The following ROCK1 variants were observed in gnomAD, a reference collection of about 807,000 sequenced individuals.
The protein encoded by ROCK1 is Rho associated coiled-coil containing protein kinase 1, also known as rho-associated protein kinase 1.
ROCK1 carries 36 observed loss-of-function variants against 196.8 expected under a neutral mutation model. That is an observed-to-expected ratio of 0.18 (90% CI 0.14 to 0.24). ROCK1 has a LOEUF of 0.24. Among genes scored for constraint, ROCK1 ranks in the 10% least tolerant of loss-of-function variants. The probability of loss-of-function intolerance (pLI) is 1.00; values close to 1 mark genes in which losing one functional copy is unlikely to be tolerated. For synonymous variants in ROCK1, 443 were observed against 515.9 expected, an observed-to-expected ratio of 0.86 and a Z score of 1.91; for missense variants, 920 against 1,562.0, an observed-to-expected ratio of 0.59 and a Z score of 6.93.
chr18:21,073,388 T>A (rs965618179), intron 1 of ROCK1, among the ~76,000 whole-genome samples: 1 of 151,808 alleles, frequency 6.6e-6, no homozygotes, highest in African/African-American at 2.4e-5. Flanking sequence ...GAGGTAGAGG[T>A]CCATTGTGTT....
intron 2 of ROCK1, among the ~76,000 whole-genome samples, chr18:21,063,823 A>G (rs2036311843): frequency 6.6e-6 from 1 of 152,204 alleles, no homozygotes; most frequent in Non-Finnish European, 1.5e-5. Flanking sequence ...CTGTATGAAG[A>G]CTGCCACTGT....
At chr18:21,035,322 T>C (rs1281948867) in intron 9 of ROCK1, among the ~76,000 whole-genome samples, 1 of 152,168 alleles carries the variant, frequency 6.6e-6, no homozygotes, top group African/African-American at 2.4e-5. Flanking sequence ...GCTGGGAATG[T>C]GAAATGGTGC....
At chr18:20,996,179 A>G (rs2035668715) in intron 16 of ROCK1, among the ~76,000 whole-genome samples, 1 of 152,326 alleles carries the variant, frequency 6.6e-6, no homozygotes, top group South Asian at 2.1e-4. Flanking sequence ...AAAACAAAGA[A>G]GGAATTCAGA....
chr18:20,984,454 C>T lies in ROCK1; in HGVS notation c.2386G>A (p.Glu796Lys), dbSNP rs1258313235. 1.2e-6 allele frequency: 2 copies of T among 1,613,290 alleles called. No homozygotes were observed. The highest frequency in any genetic ancestry group is 2.7e-5 in the African/African-American group (2 of 75,026). The change falls in exon 20 of 33, where the codon GAG becomes AAG. Residue 796 changes from glutamate (E) to lysine (K), a missense_variant. Glu to Lys is a moderately conservative substitution (Grantham distance 56). Coordinates refer to ENST00000399799, the MANE Select transcript of ROCK1 (RefSeq NM_005406.3). Reference protein sequence around the residue: ...LQNELKTQAFEADNLKGLEKQ... With the variant: ...LQNELKTQAFKADNLKGLEKQ... ...TCTAAACCTTTTAAATTGTCTGCCT[C>T]AAATGCTTGAGTCTTCAATTCATTT...
At chr18:21,041,303 TGAAAA>T (rs2036104252) in intron 8 of ROCK1, among the ~76,000 whole-genome samples, 1 of 149,420 alleles carries the variant, frequency 6.7e-6, no homozygotes, top group Admixed American at 6.7e-5. Context: ...AGTAAACATT[TGAAAA>T]ACCATACTTC....
chr18:20,968,804 T>A lies in ROCK1; in HGVS notation c.2971A>T (p.Asn991Tyr), dbSNP rs2035398693. 4.3e-6 allele frequency: 7 copies of A among 1,609,272 alleles called. No individual in the cohort carries two copies. The highest frequency in any genetic ancestry group is 6.0e-6 in the Non-Finnish European group (7 of 1,175,778). The change falls in exon 25 of 33, where the codon AAT (asparagine) becomes TAT (tyrosine). Residue 991 changes from asparagine (N) to tyrosine (Y), a missense_variant. Transcript: ENST00000399799. ...TTAAGGGTTCGTTCAGTGTTGATAT[T>A]CTTTTCAAAGGCAGCCTTAAGATTA... ...ISNLKAAFEKNINTERTLKTQ... is the reference protein window; with the variant it reads ...ISNLKAAFEKYINTERTLKTQ...
intron 16 of ROCK1, among the ~76,000 whole-genome samples, chr18:20,996,567 G>T (rs1355893794): frequency 2.0e-5 from 3 of 152,004 alleles, no homozygotes; most frequent in African/African-American, 7.2e-5. Flanking sequence ...GCACAAGAAG[G>T]TTCTAAGGGT....
chr18:21,100,071 A>G (rs576518950), intron 1 of ROCK1, among the ~76,000 whole-genome samples: 1 of 152,108 alleles, frequency 6.6e-6, no homozygotes, highest in African/African-American at 2.4e-5. Context: ...ACCAAAAAGC[A>G]TGTAAATGTT....
chr18:20,961,333 GTTAACAATAGGTAACAT>G (rs1010326337), intron 27 of ROCK1, among the ~76,000 whole-genome samples: 1 of 152,056 alleles, frequency 6.6e-6, no homozygotes, highest in African/African-American at 2.4e-5. Context: ...TACAGTAACA[GTTAACAATAGGTAACAT>G]TTACTGATTT....
At chr18:21,047,692 G>A (rs1598542937) in intron 4 of ROCK1, among the ~76,000 whole-genome samples, 1 of 152,028 alleles carries the variant, frequency 6.6e-6, no homozygotes, top group Admixed American at 6.5e-5. Flanking sequence ...TACTCGGGAG[G>A]CTGAGGCAGG....
chr18:21,034,255 C>T lies in ROCK1; in HGVS notation c.1051+5217G>A, dbSNP rs142803882. 3.9e-5 allele frequency among the ~76,000 whole-genome samples: 6 copies of T among 152,212 alleles called. No individual in the cohort carries two copies. In the East Asian group the frequency reaches 9.7e-4, roughly 25 times the overall value. On this transcript the variant is annotated intron_variant, in intron 9 of 32. Transcript: ENST00000399799. ...TAATTTAAAGATTCAATGCAATCTC[C>T]ATCAAAATCCCTATGTCCTTTTTGG...
chr18:21,066,572 G>C (rs916640187), intron 2 of ROCK1, among the ~76,000 whole-genome samples: 4 of 152,148 alleles, frequency 2.6e-5, no homozygotes, highest in African/African-American at 9.7e-5. Flanking sequence ...AGAGGTTACA[G>C]AATTCCAAGG....
At chr18:21,016,448 A>T (rs1430005312) in intron 12 of ROCK1, among the ~76,000 whole-genome samples, 1 of 152,194 alleles carries the variant, frequency 6.6e-6, no homozygotes, top group Non-Finnish European at 1.5e-5. Context: ...ACAAAGAGAA[A>T]GGTAGTATAT....
intron 1 of ROCK1, among the ~76,000 whole-genome samples, chr18:21,102,026 C>T (rs2036663303): frequency 6.6e-6 from 1 of 152,080 alleles, no homozygotes; most frequent in Admixed American, 6.5e-5. Flanking sequence ...AACAGGAGTT[C>T]ACTATCCTAT....
chr18:21,099,442 A>C (rs1411919405), intron 1 of ROCK1, among the ~76,000 whole-genome samples: 1 of 152,182 alleles, frequency 6.6e-6, no homozygotes, highest in Admixed American at 6.5e-5. Context: ...TATAGTTTTA[A>C]CTTTTAAACC....
chr18:21,072,746 T>C (rs530656251), intron 1 of ROCK1, among the ~76,000 whole-genome samples: 120 of 152,220 alleles, frequency 7.9e-4, no homozygotes, highest in South Asian at 3.1e-3. Context: ...TTTCACAACA[T>C]GTCCATCATA....
rs1461984440 is a variant in ROCK1 at position 20,949,872 on chromosome 18, G to A, written c.*1512C>T. On this transcript the variant is annotated 3_prime_UTR_variant, in exon 33 of 33. Coordinates refer to ENST00000399799, the MANE Select transcript of ROCK1 (RefSeq NM_005406.3). Reference sequence around the variant, plus strand: ...AAAACACATTGCAGTAAAAATTAAAGATACCCATCCATAAATTACTTTTAT... The same window carrying A: ...AAAACACATTGCAGTAAAAATTAAAAATACCCATCCATAAATTACTTTTAT... 6.6e-6 allele frequency: 1 copy of A among 152,604 alleles called. No homozygotes were observed. The highest frequency in any genetic ancestry group is 2.4e-5 in the African/African-American group (1 of 41,434). The allele number at this position is 152,604 out of a possible 1,614,324, so 9.5% of individuals were successfully genotyped here.
chr18:21,050,051 G>T (rs960456757), intron 2 of ROCK1, among the ~76,000 whole-genome samples, 171 bp from the exon 3 acceptor site: 1 of 152,110 alleles, frequency 6.6e-6, no homozygotes, highest in Admixed American at 6.5e-5. Context: ...TGTTCAATTT[G>T]CTAAGATTTT....
Position 20,995,532 on chromosome 18 carries a change from A to G in ROCK1, c.1886-2595T>C, listed in dbSNP as rs1400174034. Reference sequence around the variant, plus strand: ...CCTGGTTCTTGGATGGCATTTCTGGACCTGCTCTGGGCCAGAGAGGAGCCC... The same window carrying G: ...CCTGGTTCTTGGATGGCATTTCTGGGCCTGCTCTGGGCCAGAGAGGAGCCC... On this transcript the variant is annotated intron_variant, in intron 16 of 32. Coordinates refer to ENST00000399799, the MANE Select transcript of ROCK1 (RefSeq NM_005406.3). Among the ~76,000 whole-genome samples, 3 of 152,102 alleles carry G rather than the reference A, an allele frequency of 2.0e-5. No homozygotes were observed. In the East Asian group the frequency reaches 5.8e-4, roughly 29 times the overall value.
Sources: gnomAD v4.1 joint callset for allele counts (sites outside exome capture counted in the v4.1 genomes callset) on GRCh38, gnomAD v4.1.1 for gene constraint, MANE v1.5 for transcripts, NCBI Gene and HGNC (gene_info 2026-07-23, HGNC 2026-07-21) for gene names.